Variants in CDH12 observed in about 807,000 individuals in gnomAD.
CDH12 encodes the protein cadherin-12.
Under a neutral mutation model 74.1 loss-of-function variants are expected in CDH12, and 41 were observed. The ratio of observed to expected loss-of-function variants is 0.55; its 90% CI spans 0.43 to 0.72. CDH12 has a LOEUF of 0.72. Among genes scored for constraint, CDH12 ranks in the 30% least tolerant of loss-of-function variants. The probability of loss-of-function intolerance (pLI) is 0.00; values close to 1 mark genes in which losing one functional copy is unlikely to be tolerated. For synonymous variants in CDH12, 399 were observed against 355.0 expected (o/e 1.12, Z -1.39); for missense variants, 945 against 977.2 (o/e 0.97, Z 0.44).
At chr5:22,658,113 ACT>A (rs1740149110) in intron 1 of CDH12, among the ~76,000 whole-genome samples, 1 of 152,168 alleles carries the variant, frequency 6.6e-6, no homozygotes, top group Non-Finnish European at 1.5e-5. Flanking sequence ...CTGATCTGTC[ACT>A]GAGTTAAGTA....
At chr5:22,625,963 C>G (rs1362798847) in intron 1 of CDH12, among the ~76,000 whole-genome samples, 2 of 152,128 alleles carry the variant, frequency 1.3e-5, no homozygotes, top group African/African-American at 4.8e-5. Context: ...CTTGCCTCCC[C>G]TCCTCCAATG....
intron 2 of CDH12, among the ~76,000 whole-genome samples, chr5:22,486,817 G>A (rs1377239163): frequency 6.6e-6 from 1 of 151,914 alleles, no homozygotes; most frequent in Non-Finnish European, 1.5e-5. Context: ...CTTAAAACCA[G>A]ACATAATTAT....
At chr5:22,640,748 A>G (rs1194369852) in intron 1 of CDH12, among the ~76,000 whole-genome samples, 1 of 152,182 alleles carries the variant, frequency 6.6e-6, no homozygotes, top group African/African-American at 2.4e-5. Flanking sequence ...TGAGCACAAC[A>G]TGCAAAACCC....
intron 1 of CDH12, among the ~76,000 whole-genome samples, chr5:22,584,559 TACAA>T (rs1486030426): frequency 1.3e-5 from 2 of 152,220 alleles, no homozygotes; most frequent in African/African-American, 4.8e-5. Flanking sequence ...TTTTGTGTGT[TACAA>T]ACAATGCTGC....
intron 4 of CDH12, among the ~76,000 whole-genome samples, chr5:22,116,221 T>C (rs1433684855): frequency 3.9e-5 from 6 of 152,056 alleles, no homozygotes; most frequent in African/African-American, 1.4e-4. Flanking sequence ...CGGGAAAAGT[T>C]AGAGAGGTTC....
intron 2 of CDH12, among the ~76,000 whole-genome samples, chr5:22,469,618 AC>A (rs1745875643): frequency 6.6e-6 from 1 of 152,142 alleles, no homozygotes; most frequent in Non-Finnish European, 1.5e-5. Context: ...GGGCATTAGA[AC>A]CTCAACAGAT....
chr5:21,779,015 T>C (rs181734866), intron 11 of CDH12, among the ~76,000 whole-genome samples: 283 of 152,156 alleles, frequency 1.9e-3, no homozygotes, highest in African/African-American at 4.9e-3. Context: ...CTTTTTTCAA[T>C]ATAGCATTTA....
At chr5:22,345,421 A>G (rs1740069336) in intron 3 of CDH12, among the ~76,000 whole-genome samples, 1 of 152,174 alleles carries the variant, frequency 6.6e-6, no homozygotes, top group Non-Finnish European at 1.5e-5. Context: ...TTCTAAACTA[A>G]ATAATTTTTC....
intron 1 of CDH12, among the ~76,000 whole-genome samples, chr5:22,758,260 G>A (rs1746032705): frequency 6.6e-6 from 1 of 152,088 alleles, no homozygotes; most frequent in Non-Finnish European, 1.5e-5. Context: ...TGTTGTTGTT[G>A]TTAATCTAAC....
At chr5:22,672,185 G>A (rs1200906912) in intron 1 of CDH12, among the ~76,000 whole-genome samples, 1 of 134,810 alleles carries the variant, frequency 7.4e-6, no homozygotes, top group East Asian at 2.1e-4. Context: ...TATTTATATA[G>A]GAAGTGCCAT....
At chr5:21,871,725 C>G (rs1751633252) in intron 6 of CDH12, among the ~76,000 whole-genome samples, 1 of 152,114 alleles carries the variant, frequency 6.6e-6, no homozygotes, top group African/African-American at 2.4e-5. Context: ...AAAACTCCAT[C>G]TCAAAAGTAA....
At chr5:22,561,106 A>AT (rs1739028233) in intron 1 of CDH12, among the ~76,000 whole-genome samples, 1 of 152,168 alleles carries the variant, frequency 6.6e-6, no homozygotes, top group South Asian at 2.1e-4. Context: ...TGAAAAATAA[A>AT]GGTTTTGAAC....
chr5:22,530,309 C>A (rs1737529955), intron 1 of CDH12, among the ~76,000 whole-genome samples: 1 of 151,996 alleles, frequency 6.6e-6, no homozygotes, highest in Non-Finnish European at 1.5e-5. Context: ...TATTTAACAT[C>A]CACATTAATC....
At chr5:22,738,970 T>C (rs1473457661) in intron 1 of CDH12, among the ~76,000 whole-genome samples, 2 of 152,112 alleles carry the variant, frequency 1.3e-5, no homozygotes, top group Non-Finnish European at 2.9e-5. Flanking sequence ...TTGGTAAAGC[T>C]CTGTACCAAT....
At chr5:21,824,499 G>A (rs1028392268) in intron 8 of CDH12, among the ~76,000 whole-genome samples, 1 of 152,100 alleles carries the variant, frequency 6.6e-6, no homozygotes, top group African/African-American at 2.4e-5. Flanking sequence ...ATAATGTTGG[G>A]TTGGTTTTCC....
At position 22,338,472 on chromosome 5, in the gene CDH12, CA is replaced by C. The variant is rs879462523; in HGVS notation, c.-333+66784del. On this transcript the variant is annotated intron_variant, in intron 3 of 14. Transcript: ENST00000382254. Reference sequence around the variant, plus strand: ...GGAAACTGGAGATGGTTAATGGGTACAAAAAAAAAATAGAAGAATAAATAAG... The same window carrying C: ...GGAAACTGGAGATGGTTAATGGGTACAAAAAAAAATAGAAGAATAAATAAG... 3.5e-3 allele frequency among the ~76,000 whole-genome samples: 489 copies of C among 139,216 alleles called. 3 individuals carry two copies. The highest frequency in any genetic ancestry group is 0.012 in the African/African-American group (446 of 37,804). The allele number at this position is 139,216 out of a possible 152,430, so 91.3% of individuals were successfully genotyped here.
At chr5:22,078,245 A>C (rs1247709906) in intron 5 of CDH12, among the ~76,000 whole-genome samples, 1 of 152,168 alleles carries the variant, frequency 6.6e-6, no homozygotes, top group African/African-American at 2.4e-5. Context: ...AATCAGGAAG[A>C]ATTAAAGCAA....
At chr5:21,924,631 A>G (rs1043865674) in intron 6 of CDH12, among the ~76,000 whole-genome samples, 1 of 152,222 alleles carries the variant, frequency 6.6e-6, no homozygotes, top group Non-Finnish European at 1.5e-5. Flanking sequence ...CACTGGTGAA[A>G]TGATGTTGAC....
intron 6 of CDH12, among the ~76,000 whole-genome samples, chr5:21,935,106 T>C (rs1314767626): frequency 1.3e-5 from 2 of 152,170 alleles, no homozygotes; most frequent in East Asian, 3.9e-4. Context: ...TTTCAATTCT[T>C]TCTCTCCTCT....
Sources: gnomAD v4.1 joint callset for allele counts (sites outside exome capture counted in the v4.1 genomes callset) on GRCh38, gnomAD v4.1.1 for gene constraint, MANE v1.5 for transcripts, NCBI Gene and HGNC (gene_info 2026-07-23, HGNC 2026-07-21) for gene names.